Variants in TNFAIP8 observed in about 807,000 individuals in gnomAD.
TNFAIP8 encodes the protein tumor necrosis factor alpha-induced protein 8.
A neutral mutation model predicts 13.3 loss-of-function variants in TNFAIP8; 7 were observed. That is an observed-to-expected ratio of 0.52 (90% CI 0.30 to 0.99). The LOEUF (loss-of-function observed/expected upper bound fraction) is 0.99, where lower values mean the gene tolerates loss of function less well. Ranked by LOEUF, TNFAIP8 falls within the 50% of genes least tolerant of loss-of-function variation. The pLI is 0.07. For missense variants in TNFAIP8, 258 were observed against 236.9 expected, an observed-to-expected ratio of 1.09 and a Z score of -0.58; for synonymous variants, 94 against 87.6, an observed-to-expected ratio of 1.07 and a Z score of -0.41.
chr5:119,313,022 G>T (rs1252979342), intron 1 of TNFAIP8, among the ~76,000 whole-genome samples: 1 of 152,086 alleles, frequency 6.6e-6, no homozygotes, highest in Admixed American at 6.6e-5. Context: ...TCCTTACTTG[G>T]CTTAATATTA....
chr5:119,387,903 C>T (rs73790850), intron 1 of TNFAIP8, among the ~76,000 whole-genome samples: 9 of 151,922 alleles, frequency 5.9e-5, no homozygotes, highest in African/African-American at 2.2e-4. Context: ...CAGCATTATT[C>T]TTCATTAATG....
intron 1 of TNFAIP8, among the ~76,000 whole-genome samples, chr5:119,339,058 A>G (rs998295142): frequency 6.6e-6 from 1 of 152,032 alleles, no homozygotes; most frequent in Non-Finnish European, 1.5e-5. Context: ...AAAACAAAAA[A>G]AAAAGGCCCC....
intron 1 of TNFAIP8, among the ~76,000 whole-genome samples, chr5:119,281,468 C>A (rs768296563): frequency 1.3e-5 from 2 of 152,144 alleles, no homozygotes; most frequent in Non-Finnish European, 2.9e-5. Context: ...CACTTAGAAT[C>A]CTGGTTTTTT....
At chr5:119,369,656 G>A (rs1752002711) in intron 1 of TNFAIP8, among the ~76,000 whole-genome samples, 1 of 152,174 alleles carries the variant, frequency 6.6e-6, no homozygotes, top group Non-Finnish European at 1.5e-5. Flanking sequence ...TTTAGGCATA[G>A]GACTGTGTTT....
chr5:119,295,189 CTAA>C, intron 1 of TNFAIP8, among the ~76,000 whole-genome samples: 1 of 22,842 alleles, frequency 4.4e-5, no homozygotes, highest in Non-Finnish European at 7.0e-5. Flanking sequence ...AACGTTTAGT[CTAA>C]CGTTAGACCT....
At chr5:119,317,709 C>T (rs1749940339) in intron 1 of TNFAIP8, among the ~76,000 whole-genome samples, 1 of 151,992 alleles carries the variant, frequency 6.6e-6, no homozygotes, top group African/African-American at 2.4e-5. Context: ...AATGATTCTC[C>T]TGCGTCAGCC....
At chr5:119,318,672 G>A (rs767455978) in intron 1 of TNFAIP8, among the ~76,000 whole-genome samples, 1 of 108,338 alleles carries the variant, frequency 9.2e-6, no homozygotes, top group Admixed American at 1.1e-4. Context: ...TCCTCCCCCC[G>A]CATCCTCCTG....
rs752674033 is a variant in TNFAIP8 at position 119,396,491 on chromosome 5, G to A, written c.*3110G>A. On this transcript the variant is annotated 3_prime_UTR_variant, in exon 2 of 2. Coordinates refer to ENST00000504771, the MANE Select transcript of TNFAIP8 (RefSeq NM_014350.4). ...TGTCCCTAGCAGTGGTGGGTTCAGAGCATGACAAGGCACTCAATGTGCATT... is the reference window on the plus strand; with the variant it reads ...TGTCCCTAGCAGTGGTGGGTTCAGAACATGACAAGGCACTCAATGTGCATT... The A allele has an allele frequency of 3.9e-5, 6 of 152,170 alleles. No homozygotes were observed. The highest frequency in any genetic ancestry group is 7.3e-5 in the Non-Finnish European group (5 of 68,058). 9.4% of individuals were successfully genotyped at this position (152,170 alleles called of 1,614,324 possible).
chr5:119,328,749 A>C (rs1439032228), intron 1 of TNFAIP8, among the ~76,000 whole-genome samples: 5 of 152,242 alleles, frequency 3.3e-5, no homozygotes, highest in African/African-American at 1.2e-4. Context: ...CTAGAAATTT[A>C]CAGAGAAACT....
At chr5:119,293,900 A>G (rs1749076035) in intron 1 of TNFAIP8, among the ~76,000 whole-genome samples, 1 of 152,224 alleles carries the variant, frequency 6.6e-6, no homozygotes, top group Non-Finnish European at 1.5e-5. Context: ...TATTGTATGG[A>G]TGTCAGATAA....
At chr5:119,298,751 A>G (rs1307298240) in intron 1 of TNFAIP8, among the ~76,000 whole-genome samples, 1 of 151,824 alleles carries the variant, frequency 6.6e-6, no homozygotes, top group East Asian at 1.9e-4. Flanking sequence ...CACCAATCTG[A>G]CATAGATTTG....
upstream of TNFAIP8, chr5:119,355,288 G>A: frequency 1.4e-6 from 1 of 701,194 alleles, no homozygotes; most frequent in Non-Finnish European, 2.6e-6. Context: ...AAGGCCCTTT[G>A]GAGTAACTGC....
chr5:119,320,884 C>T (rs1416946036), intron 1 of TNFAIP8, among the ~76,000 whole-genome samples: 1 of 140,640 alleles, frequency 7.1e-6, no homozygotes, highest in East Asian at 1.9e-4. Context: ...TCTTAACCTG[C>T]TAAAAAAAAA....
intron 1 of TNFAIP8, among the ~76,000 whole-genome samples, chr5:119,294,698 A>C (rs916072741): frequency 1.3e-5 from 2 of 152,002 alleles, no homozygotes; most frequent in Admixed American, 1.3e-4. Flanking sequence ...CCTCTCCAGC[A>C]CCTGTTGTTT....
chr5:119,315,052 T>TTG (rs3055627), intron 1 of TNFAIP8, among the ~76,000 whole-genome samples: 19,089 of 151,818 alleles, frequency 0.13, 3,779 homozygotes, highest in African/African-American at 0.43. Context: ...CGGCTAATTT[T>TTG]TGTGTGTGTG....
chr5:119,297,000 A>C (rs1374164497), intron 1 of TNFAIP8, among the ~76,000 whole-genome samples: 4 of 151,770 alleles, frequency 2.6e-5, no homozygotes, highest in African/African-American at 9.7e-5. Context: ...TATTGCGTCT[A>C]TTTGATTCTT....
chr5:119,334,138 C>CAAAAAA (rs1750471380), intron 1 of TNFAIP8, among the ~76,000 whole-genome samples: 1 of 108,226 alleles, frequency 9.2e-6, no homozygotes, highest in African/African-American at 5.1e-5. Context: ...TCTCTAACAA[C>CAAAAAA]CAAAAAAAAA....
chr5:119,365,824 A>C (rs1751831150), intron 1 of TNFAIP8, among the ~76,000 whole-genome samples: 1 of 152,230 alleles, frequency 6.6e-6, no homozygotes, highest in Non-Finnish European at 1.5e-5. Context: ...ACATCTTCAG[A>C]AGAAAAGAGA....
intron 1 of TNFAIP8, among the ~76,000 whole-genome samples, chr5:119,366,976 G>A (rs1022155883): frequency 1.3e-5 from 2 of 152,196 alleles, no homozygotes; most frequent in Non-Finnish European, 1.5e-5. Context: ...GTAGGTCTCA[G>A]CAGTGAAACA....
Sources: allele counts gnomAD v4.1 joint callset (sites outside exome capture counted in the v4.1 genomes callset), GRCh38; gene constraint gnomAD v4.1.1; transcripts MANE v1.5; gene names NCBI Gene and HGNC (gene_info 2026-07-23, HGNC 2026-07-21).